Variants in SPP1 observed in about 807,000 individuals in gnomAD.
SPP1 encodes the protein osteopontin.
In SPP1, 18 loss-of-function variants were observed where a neutral mutation model predicts 20.8. The observed-to-expected ratio is 0.87, with a 90% CI of 0.60 to 1.29. The LOEUF (loss-of-function observed/expected upper bound fraction) is 1.29, where lower values mean the gene tolerates loss of function less well. Among genes scored for constraint, SPP1 ranks in the 50% most tolerant of loss-of-function variants. The pLI is 0.00. For synonymous variants in SPP1, 146 were observed against 141.5 expected (o/e 1.03, Z -0.23); for missense variants, 363 against 389.0 (o/e 0.93, Z 0.56).
In SPP1 at chr4:87,981,583, G is replaced by T; in HGVS notation, c.325G>T (p.Asp109Tyr). ...GGACTCCATTGACTCGAACGACTCT[G>T]ATGATGTAGATGACACTGATGATTC... ...SQDSIDSNDS[D>Y]DVDDTDDSHQ... Residue 109 changes from aspartate to tyrosine, a missense_variant, in exon 6 of 7, where the codon GAT (aspartate) becomes TAT (tyrosine). Asp to Tyr is a radical substitution (Grantham distance 160). Coordinates refer to ENST00000395080, the MANE Select transcript of SPP1 (RefSeq NM_001040058.2). 6.2e-7 allele frequency: 1 copy of T among 1,614,194 alleles called. No individual in the cohort carries two copies. Among genetic ancestry groups the T allele is most frequent in the Non-Finnish European group, 8.5e-7 (1 of 1,180,038 alleles).
intron 5 of SPP1, among the ~76,000 whole-genome samples, chr4:87,980,979 G>A (rs1290375316): frequency 7.2e-5 from 11 of 152,166 alleles, no homozygotes; most frequent in Non-Finnish European, 1.6e-4. Flanking sequence ...TTGAGCTGCA[G>A]TTTATACACA....
chr4:87,982,041 C>G (rs10516799), intron 6 of SPP1, among the ~76,000 whole-genome samples: 44,002 of 151,704 alleles, frequency 0.29, 6,665 homozygotes, highest in South Asian at 0.38. Flanking sequence ...TCCTGGATCA[C>G]TTATTTTCAG....
chr4:87,981,799 G>A lies in SPP1; in HGVS notation c.540+1G>A. On this transcript the variant is annotated splice_donor_variant, in intron 6 of 6. Transcript: ENST00000395080. LOFTEE classifies it high-confidence loss of function. ...GAAGTTTCGCAGACCTGACATCCAG[G>A]TAAATCCTTTAACAGACACACCTGA... 1.2e-6 allele frequency: 2 copies of A among 1,612,854 alleles called. No homozygotes were observed. Among genetic ancestry groups the A allele is most frequent in the Admixed American group, 1.7e-5 (1 of 59,992 alleles).
At position 87,982,543 on chromosome 4, in the gene SPP1, T is replaced by A; in HGVS notation, c.592T>A (p.Leu198Met). 6.2e-7 allele frequency: 1 copy of A among 1,613,844 alleles called. No individual in the cohort carries two copies. The highest frequency in any genetic ancestry group is 8.5e-7 in the Non-Finnish European group (1 of 1,179,976). The change falls in exon 7 of 7, where the codon TTG becomes ATG. Residue 198 changes from leucine to methionine, a missense_variant. By Grantham distance (15) the Leu-to-Met change is conservative. Transcript: ENST00000395080. Reference sequence around the variant, plus strand: ...CACCTCACACATGGAAAGCGAGGAGTTGAATGGTGCATACAAGGCCATCCC... The same window carrying A: ...CACCTCACACATGGAAAGCGAGGAGATGAATGGTGCATACAAGGCCATCCC... Reference protein sequence around the residue: ...DITSHMESEELNGAYKAIPVA... With the variant: ...DITSHMESEEMNGAYKAIPVA...
In SPP1 at chr4:87,976,902, A is replaced by G. The variant is rs1725399652; in HGVS notation, c.7A>G (p.Ile3Val). 7 of 1,613,452 alleles carry G rather than the reference A, an allele frequency of 4.3e-6. No homozygotes were observed. The highest frequency in any genetic ancestry group is 5.9e-6 in the Non-Finnish European group (7 of 1,179,390). Residue 3 changes from isoleucine to valine, a missense_variant, in exon 2 of 7, where the codon ATT becomes GTT. By Grantham distance (29) the Ile-to-Val change is conservative (BLOSUM62 3). Transcript: ENST00000395080. Reference sequence around the variant, plus strand: ...TGCAGGAAAACTCACTACCATGAGAATTGCAGTGATTTGCTTTTGCCTCCT... The same window carrying G: ...TGCAGGAAAACTCACTACCATGAGAGTTGCAGTGATTTGCTTTTGCCTCCT... MR[I>V]AVICFCLLGI...
intron 3 of SPP1, chr4:87,977,902 T>G: frequency 9.4e-7 from 1 of 1,067,936 alleles, no homozygotes; most frequent in Non-Finnish European, 1.2e-6. Context: ...GTTTTTCAAC[T>G]GATTTGAAAA....
At chr4:87,981,838 C>G (rs369236081) in intron 6 of SPP1, 40 bp downstream of exon 6, 2 of 1,565,910 alleles carry the variant, frequency 1.3e-6, no homozygotes, top group Non-Finnish European at 1.7e-6. Context: ...TTCTGACTAG[C>G]GCTCAAGTCT....
intron 3 of SPP1, 130 bp downstream of exon 3, chr4:87,977,227 C>T: frequency 5.4e-6 from 5 of 929,900 alleles, no homozygotes; most frequent in Non-Finnish European, 8.3e-6. Context: ...TATTGATTGA[C>T]TGCCTGCTAT....
chr4:87,976,286 G>A (rs910031377), intron 1 of SPP1, among the ~76,000 whole-genome samples: 2 of 152,250 alleles, frequency 1.3e-5, no homozygotes, highest in East Asian at 3.9e-4. Flanking sequence ...ATGACACTGT[G>A]TAGGCTTATT....
At position 87,982,155 on chromosome 4, in the gene SPP1, A is replaced by C. The variant is rs549044630; in HGVS notation, c.541-337A>C. On this transcript the variant is annotated intron_variant, in intron 6 of 6. Coordinates refer to ENST00000395080, the MANE Select transcript of SPP1 (RefSeq NM_001040058.2). ...TAGTTGCAAATTACACTGAATCCTT[A>C]GTCACAGAATCTGGATTTGACATAG... Among the ~76,000 whole-genome samples, 19 of 152,296 alleles carry C rather than the reference A, an allele frequency of 1.2e-4. No individual in the cohort carries two copies. In the East Asian group the frequency reaches 3.7e-3, roughly 29 times the overall value.
At position 87,980,098 on chromosome 4, in the gene SPP1, C is replaced by T. The variant is rs150066912; in HGVS notation, c.146C>T (p.Ser49Phe). 6.2e-7 allele frequency: 1 copy of T among 1,614,144 alleles called. No individual in the cohort carries two copies. The highest frequency in any genetic ancestry group is 2.2e-5 in the East Asian group (1 of 44,876). ...GCCACATGGCTAAACCCTGACCCAT[C>T]TCAGAAGCAGAATCTCCTAGCCCCA... ...AVATWLNPDP[S>F]QKQNLLAPQN... is the part of the protein sequence containing the mutation. Residue 49 changes from serine to phenylalanine, a missense_variant, in exon 4 of 7, where the codon TCT becomes TTT. Coordinates refer to ENST00000395080, the MANE Select transcript of SPP1 (RefSeq NM_001040058.2).
rs764881578 is a variant in SPP1 at position 87,976,947 on chromosome 4, C to G, written c.52C>G (p.Pro18Ala). 8 of 1,613,534 alleles carry G rather than the reference C, an allele frequency of 5.0e-6. No individual in the cohort carries two copies. The highest frequency in any genetic ancestry group is 6.8e-6 in the Non-Finnish European group (8 of 1,179,600). The change falls in exon 2 of 7, where the codon CCA becomes GCA. Residue 18 changes from proline to alanine, a missense_variant and splice_region_variant. Transcript: ENST00000395080. ...FCLLGITCAI[P>A]VKQADSGSSE... ...CCTCCTAGGCATCACCTGTGCCATA[C>G]CAGTGAGTACAGTTGCATCTTAAAG...
Position 87,981,621 on chromosome 4 carries a change from T to G in SPP1, c.363T>G (p.Asp121Glu). ...ACACTGATGATTCTCACCAGTCTGA[T>G]GAGTCTCACCATTCTGATGAATCTG... The part of the protein sequence containing the change: ...VDDTDDSHQS[D>E]ESHHSDESDE... Residue 121 changes from aspartate to glutamate, a missense_variant, in exon 6 of 7, where the codon GAT (aspartate) becomes GAG (glutamate). By Grantham distance (45) the Asp-to-Glu change is conservative (BLOSUM62 2). Transcript: ENST00000395080. The G allele has an allele frequency of 6.2e-7, 1 of 1,614,224 alleles. No individual in the cohort carries two copies. Among genetic ancestry groups the G allele is most frequent in the Non-Finnish European group, 8.5e-7 (1 of 1,180,042 alleles).
intron 3 of SPP1, among the ~76,000 whole-genome samples, chr4:87,979,068 ATAT>A (rs1351491375): frequency 6.6e-6 from 1 of 152,120 alleles, no homozygotes; most frequent in African/African-American, 2.4e-5. Flanking sequence ...AATGATTTTA[ATAT>A]TATATTTCTA....
At chr4:87,979,703 C>T (rs1015030403) in intron 3 of SPP1, among the ~76,000 whole-genome samples, 25 of 152,058 alleles carry the variant, frequency 1.6e-4, no homozygotes, top group African/African-American at 5.8e-4. Flanking sequence ...AGTTTGCCTG[C>T]GTTTGAACCC....
At position 87,982,711 on chromosome 4, in the gene SPP1, A is replaced by G. The variant is rs1725709430; in HGVS notation, c.760A>G (p.Ser254Gly). Residue 254 changes from serine to glycine, a missense_variant, in exon 7 of 7, where the codon AGC becomes GGC. Coordinates refer to ENST00000395080, the MANE Select transcript of SPP1 (RefSeq NM_001040058.2). ...ATATAAGCGGAAAGCCAATGATGAG[A>G]GCAATGAGCATTCCGATGTGATTGA... ...RLYKRKANDE[S>G]NEHSDVIDSQ... 2.5e-6 allele frequency: 4 copies of G among 1,614,208 alleles called. No homozygotes were observed. The highest frequency in any genetic ancestry group is 3.4e-6 in the Non-Finnish European group (4 of 1,180,038).
rs1376287019 is a variant in SPP1 at position 87,980,119 on chromosome 4, C to A, written c.167C>A (p.Ala56Asp). 3 of 1,614,080 alleles carry A rather than the reference C, an allele frequency of 1.9e-6. No individual in the cohort carries two copies. Among genetic ancestry groups the A allele is most frequent in the Non-Finnish European group, 2.5e-6 (3 of 1,179,990 alleles). Residue 56 changes from alanine (A) to aspartate (D), a missense_variant, in exon 4 of 7, where the codon GCC (alanine) becomes GAC (aspartate). Ala to Asp is a moderately radical substitution (Grantham distance 126, BLOSUM62 -2). Transcript: ENST00000395080. Reference sequence around the variant, plus strand: ...CCATCTCAGAAGCAGAATCTCCTAGCCCCACAGGTATTTTTAAACTTCTCA... The same window carrying A: ...CCATCTCAGAAGCAGAATCTCCTAGACCCACAGGTATTTTTAAACTTCTCA... The part of the protein sequence containing the change: ...PDPSQKQNLL[A>D]PQNAVSSEET...
chr4:87,982,557 C>A lies in SPP1; in HGVS notation c.606C>A (p.Tyr202Ter). The A allele has an allele frequency of 6.2e-7, 1 of 1,614,128 alleles. No individual in the cohort carries two copies. Among genetic ancestry groups the A allele is most frequent in the Non-Finnish European group, 8.5e-7 (1 of 1,180,024 alleles). Residue 202 changes from tyrosine to a stop codon, truncating the protein, a stop_gained, in exon 7 of 7, where the codon TAC becomes TAA. Coordinates refer to ENST00000395080, the MANE Select transcript of SPP1 (RefSeq NM_001040058.2). LOFTEE classifies it low-confidence loss of function (END_TRUNC). ...AAAGCGAGGAGTTGAATGGTGCATACAAGGCCATCCCCGTTGCCCAGGACC... is the reference window on the plus strand; with the variant it reads ...AAAGCGAGGAGTTGAATGGTGCATAAAAGGCCATCCCCGTTGCCCAGGACC... ...HMESEELNGA[Y>*]KAIPVAQDLN...
intron 5 of SPP1, chr4:87,980,643 A>G (rs1725603260): frequency 1.8e-6 from 1 of 566,412 alleles, no homozygotes; most frequent in African/African-American, 1.9e-5. Flanking sequence ...GATGTTTATT[A>G]ATGCCTGTTA....
Sources: gnomAD v4.1 joint callset for allele counts (sites outside exome capture counted in the v4.1 genomes callset) on GRCh38, gnomAD v4.1.1 for gene constraint, MANE v1.5 for transcripts, NCBI Gene and HGNC (gene_info 2026-07-23, HGNC 2026-07-21) for gene names.